MGRN1: variants seen among roughly 807,000 people sequenced by gnomAD.
MGRN1 encodes mahogunin ring finger 1, also known as E3 ubiquitin-protein ligase MGRN1.
MGRN1 carries 29 observed loss-of-function variants against 69.2 expected under a neutral mutation model. The ratio of observed to expected loss-of-function variants is 0.42; its 90% CI spans 0.31 to 0.57. MGRN1 has a LOEUF of 0.57. MGRN1 is among the 20% of genes least tolerant of loss of function. The pLI is 0.15. For synonymous variants in MGRN1, 470 were observed against 344.2 expected, an observed-to-expected ratio of 1.37 and a Z score of -4.04; for missense variants, 998 against 796.2, an observed-to-expected ratio of 1.25 and a Z score of -3.05.
At chr16:4,646,473 G>A (rs746812566) in intron 1 of MGRN1, among the ~76,000 whole-genome samples, 1 of 151,910 alleles carries the variant, frequency 6.6e-6, no homozygotes, top group African/African-American at 2.4e-5. Flanking sequence ...GGCTTGCCTG[G>A]GCATGGAGGG....
At chr16:4,681,060 C>T (rs904751432) in intron 12 of MGRN1, among the ~76,000 whole-genome samples, 1 of 152,212 alleles carries the variant, frequency 6.6e-6, no homozygotes, top group South Asian at 2.1e-4. Flanking sequence ...GGCTCTTAGC[C>T]AGGGTGCCCG....
At chr16:4,648,207 C>T (rs1425815977) in intron 1 of MGRN1, among the ~76,000 whole-genome samples, 1 of 152,184 alleles carries the variant, frequency 6.6e-6, no homozygotes, top group Non-Finnish European at 1.5e-5. Flanking sequence ...TCCACAGGTC[C>T]CTGCAGCTAC....
intron 2 of MGRN1, chr16:4,650,789 G>C (rs1240021028): frequency 3.8e-6 from 1 of 264,260 alleles, no homozygotes; most frequent in African/African-American, 2.2e-5. Flanking sequence ...AGCCTTCTTG[G>C]ATGACTTTCT....
intron 8 of MGRN1, among the ~76,000 whole-genome samples, chr16:4,670,908 G>C (rs2078923690): frequency 1.3e-5 from 2 of 152,252 alleles, no homozygotes; most frequent in African/African-American, 4.8e-5. Flanking sequence ...GTCAGCGTGA[G>C]GCTTTTTGGT....
intron 1 of MGRN1, among the ~76,000 whole-genome samples, chr16:4,630,912 G>T (rs1034639251): frequency 3.0e-4 from 45 of 151,240 alleles, no homozygotes; most frequent in African/African-American, 1.1e-3. Flanking sequence ...CCTGGCTCAG[G>T]TGATTCTCCC....
intron 16 of MGRN1, among the ~76,000 whole-genome samples, chr16:4,685,527 C>A (rs865775): frequency 6.6e-6 from 1 of 152,066 alleles, no homozygotes; most frequent in East Asian, 1.9e-4. Flanking sequence ...ACTCCTGGGC[C>A]CTGGGCCCCG....
chr16:4,688,197 C>T (rs933461443), intron 16 of MGRN1: 33 of 985,528 alleles, frequency 3.3e-5, no homozygotes, highest in Admixed American at 6.1e-5. Context: ...CTGGCCCCGT[C>T]CCAGGCTCTG....
At chr16:4,646,822 C>A (rs990453933) in intron 1 of MGRN1, among the ~76,000 whole-genome samples, 1 of 152,206 alleles carries the variant, frequency 6.6e-6, no homozygotes, top group Non-Finnish European at 1.5e-5. Flanking sequence ...GTGGTTGTGC[C>A]TTGAAGGTGC....
intron 8 of MGRN1, 64 bp downstream of exon 8, chr16:4,668,376 C>T (rs983750511): frequency 1.5e-5 from 23 of 1,541,868 alleles, no homozygotes; most frequent in Middle Eastern, 1.7e-4. Flanking sequence ...ATCACTCACA[C>T]GCATACTCAT....
At chr16:4,643,540 T>G (rs181163504) in intron 1 of MGRN1, among the ~76,000 whole-genome samples, 1 of 151,838 alleles carries the variant, frequency 6.6e-6, no homozygotes, top group East Asian at 1.9e-4. Context: ...CCTGGCTAAT[T>G]TTTTGTATTT....
At position 4,652,908 on chromosome 16, in the gene MGRN1, G is replaced by A. The variant is rs1240290104; in HGVS notation, c.443+84G>A. 4.2e-6 allele frequency: 6 copies of A among 1,436,672 alleles called. No individual in the cohort carries two copies. The Admixed American group carries it at 1.6e-4, about 39-fold the overall frequency. The allele number at this position is 1,436,672 out of a possible 1,614,324, so 89.0% of individuals were successfully genotyped here. A position where few individuals can be genotyped will look rare whatever the true frequency, so the allele number is the denominator to read the frequency against. On this transcript the variant is annotated intron_variant, in intron 4 of 16. Coordinates refer to ENST00000262370, the MANE Select transcript of MGRN1 (RefSeq NM_015246.4). ...GCTTCTGTCCACCTTACTAACCAGA[G>A]GGAGAAAACCAAACCGTGCTCTTTG...
In MGRN1 at chr16:4,624,869, G is replaced by T. The variant is rs529406797; in HGVS notation, c.-92G>T. On this transcript the variant is annotated 5_prime_UTR_variant, in exon 1 of 17. Coordinates refer to ENST00000262370, the MANE Select transcript of MGRN1 (RefSeq NM_015246.4). ...CGCGGCCGTGGACGAGCGTCCGTGC[G>T]GCCTGGTCCGGGCCATGTCCGCGTG... 1.8e-6 allele frequency: 2 copies of T among 1,106,638 alleles called. No homozygotes were observed. The highest frequency in any genetic ancestry group is 2.0e-5 in the South Asian group (1 of 50,960). The allele number at this position is 1,106,638 out of a possible 1,614,324, so 68.6% of individuals were successfully genotyped here. A position where few individuals can be genotyped will look rare whatever the true frequency, so the allele number is the denominator to read the frequency against.
chr16:4,643,578 T>TA (rs1386327111), intron 1 of MGRN1, among the ~76,000 whole-genome samples: 1 of 151,986 alleles, frequency 6.6e-6, no homozygotes, highest in Non-Finnish European at 1.5e-5. Context: ...TTCACCGTGT[T>TA]AGCCAGGATG....
intron 4 of MGRN1, among the ~76,000 whole-genome samples, chr16:4,655,257 CAG>C (rs1414263266): frequency 5.3e-5 from 8 of 152,150 alleles, no homozygotes; most frequent in African/African-American, 1.4e-4. Context: ...CTCCAGCTGT[CAG>C]GGGCTGGGTG....
At chr16:4,671,510 G>A (rs761268235) in intron 9 of MGRN1, 51 bp downstream of exon 9, 6 of 1,562,000 alleles carry the variant, frequency 3.8e-6, no homozygotes, top group Non-Finnish European at 5.3e-6. Context: ...CCCACACCAG[G>A]AGCAGCCGCG....
chr16:4,647,015 G>A (rs528921468), intron 1 of MGRN1, among the ~76,000 whole-genome samples: 1 of 152,332 alleles, frequency 6.6e-6, no homozygotes, highest in Admixed American at 6.5e-5. Flanking sequence ...GCTGGGGAGA[G>A]CCTGGAAGGG....
intron 7 of MGRN1, 62 bp from the exon 8 acceptor site, chr16:4,668,203 C>T (rs1353774829): frequency 3.0e-5 from 47 of 1,544,512 alleles, no homozygotes; most frequent in African/African-American, 1.2e-4. Context: ...CAGGCGGCCA[C>T]GCAGGGGTGC....
chr16:4,689,880 C>G lies in MGRN1; in HGVS notation c.*972C>G, dbSNP rs1458378739. 2.0e-5 allele frequency: 3 copies of G among 151,980 alleles called. No individual in the cohort carries two copies. The highest frequency in any genetic ancestry group is 7.3e-5 in the African/African-American group (3 of 41,326). 9.4% of individuals were successfully genotyped at this position (151,980 alleles called of 1,614,324 possible). ...TCCCGGGTTCAAGTGATCGTCCTGC[C>G]TTAGGCTCCTGAGTAGCTGGGGATT... On this transcript the variant is annotated 3_prime_UTR_variant, in exon 17 of 17. Coordinates refer to ENST00000262370, the MANE Select transcript of MGRN1 (RefSeq NM_015246.4).
intron 1 of MGRN1, among the ~76,000 whole-genome samples, chr16:4,627,992 A>T (rs1596249692): frequency 6.8e-6 from 1 of 146,988 alleles, no homozygotes; most frequent in Non-Finnish European, 1.5e-5. Flanking sequence ...AGGCAGGAGA[A>T]TGGTGTGAAC....
Sources: gnomAD v4.1 joint callset for allele counts (sites outside exome capture counted in the v4.1 genomes callset) on GRCh38, gnomAD v4.1.1 for gene constraint, MANE v1.5 for transcripts, NCBI Gene and HGNC (gene_info 2026-07-23, HGNC 2026-07-21) for gene names.